The following TMEM132C variants were observed in gnomAD, a reference collection of about 807,000 sequenced individuals.
TMEM132C encodes the protein transmembrane protein 132C.
TMEM132C carries 29 observed loss-of-function variants against 61.4 expected under a neutral mutation model. The ratio of observed to expected loss-of-function variants is 0.47; its 90% CI spans 0.35 to 0.64. TMEM132C has a LOEUF of 0.64. Among genes scored for constraint, TMEM132C ranks in the 30% least tolerant of loss-of-function variants. The pLI is 0.00. For synonymous variants in TMEM132C, 656 were observed against 633.1 expected (o/e 1.04, Z -0.54); for missense variants, 1,408 against 1,476.9 (o/e 0.95, Z 0.76).
At chr12:128,346,691 CTCTTG>C (rs1484349428) in intron 1 of TMEM132C, among the ~76,000 whole-genome samples, 19 of 152,088 alleles carry the variant, frequency 1.2e-4, no homozygotes, top group Non-Finnish European at 4.4e-5. Context: ...CCTGATTTGG[CTCTTG>C]TCTTGACTGT....
intron 3 of TMEM132C, among the ~76,000 whole-genome samples, chr12:128,594,232 A>G (rs1460065810): frequency 1.3e-5 from 2 of 152,066 alleles, no homozygotes; most frequent in Admixed American, 1.3e-4. Context: ...GGGGCGCCAC[A>G]TAAAAGGGGA....
intron 2 of TMEM132C, among the ~76,000 whole-genome samples, chr12:128,517,446 C>T (rs151133431): frequency 6.6e-6 from 1 of 151,956 alleles, no homozygotes; most frequent in Non-Finnish European, 1.5e-5. Context: ...ACAACAACAA[C>T]AACAAACTCA....
At chr12:128,330,378 A>C (rs1443675519) in intron 1 of TMEM132C, among the ~76,000 whole-genome samples, 1 of 152,132 alleles carries the variant, frequency 6.6e-6, no homozygotes, top group East Asian at 1.9e-4. Flanking sequence ...ATGTTATACA[A>C]GCAACATTTT....
chr12:128,280,577 G>T (rs535596973), intron 1 of TMEM132C, among the ~76,000 whole-genome samples: 60 of 152,302 alleles, frequency 3.9e-4, no homozygotes, highest in African/African-American at 1.4e-3. Flanking sequence ...CTACTAATGA[G>T]TATAAGGTAT....
intron 5 of TMEM132C, among the ~76,000 whole-genome samples, chr12:128,671,709 C>T (rs933764536): frequency 1.3e-5 from 2 of 152,178 alleles, no homozygotes; most frequent in Non-Finnish European, 2.9e-5. Context: ...CACACAGCGA[C>T]GTCCACACTC....
intron 3 of TMEM132C, among the ~76,000 whole-genome samples, chr12:128,580,322 G>A (rs908874671): frequency 6.6e-6 from 1 of 152,170 alleles, no homozygotes; most frequent in African/African-American, 2.4e-5. Context: ...TCGGGAAGCT[G>A]AGGCAGGAGA....
At chr12:128,468,445 G>A (rs1565944866) in intron 2 of TMEM132C, among the ~76,000 whole-genome samples, 1 of 152,078 alleles carries the variant, frequency 6.6e-6, no homozygotes, top group Admixed American at 6.6e-5. Context: ...AGCCTCCCAA[G>A]TAGCTGGGAT....
intron 2 of TMEM132C, among the ~76,000 whole-genome samples, chr12:128,453,255 G>A (rs1262766840): frequency 3.9e-5 from 6 of 152,204 alleles, no homozygotes; most frequent in Admixed American, 2.0e-4. Flanking sequence ...GGTTGGCCAG[G>A]CAGGGCTCAA....
At chr12:128,376,850 A>G (rs1052378800) in intron 1 of TMEM132C, among the ~76,000 whole-genome samples, 1 of 152,100 alleles carries the variant, frequency 6.6e-6, no homozygotes, top group Non-Finnish European at 1.5e-5. Flanking sequence ...TGTTCTCCTG[A>G]GCTTTTCATA....
rs182879571 is a variant in TMEM132C at position 128,314,578 on chromosome 12, G to A, written c.85+47091G>A. Among the ~76,000 whole-genome samples the A allele has an allele frequency of 2.3e-3, 344 of 152,234 alleles. 1 individual carries two copies. Among genetic ancestry groups the A allele is most frequent in the Non-Finnish European group, 4.2e-3 (286 of 68,024 alleles). Reference sequence around the variant, plus strand: ...AGTCATTGCAGATATAATTAGTTGAGTTTCAATGAGGACATACTGGATTCA... The same window carrying A: ...AGTCATTGCAGATATAATTAGTTGAATTTCAATGAGGACATACTGGATTCA... On this transcript the variant is annotated intron_variant, in intron 1 of 8. Transcript: ENST00000435159.
chr12:128,418,009 A>G (rs886344024), intron 2 of TMEM132C, among the ~76,000 whole-genome samples: 1 of 152,272 alleles, frequency 6.6e-6, no homozygotes. Context: ...GGAGCGCAGC[A>G]GCCGTATTCC....
intron 2 of TMEM132C, among the ~76,000 whole-genome samples, chr12:128,455,764 A>C (rs1870318042): frequency 6.6e-6 from 1 of 152,190 alleles, no homozygotes; most frequent in South Asian, 2.1e-4. Context: ...AAGGAAACGA[A>C]GACAAAACAG....
intron 2 of TMEM132C, among the ~76,000 whole-genome samples, chr12:128,533,916 A>G (rs1873418632): frequency 6.6e-6 from 1 of 151,330 alleles, no homozygotes; most frequent in South Asian, 2.1e-4. Context: ...ACACATGCAT[A>G]CACACACACA....
chr12:128,295,923 C>T (rs12581407), intron 1 of TMEM132C, among the ~76,000 whole-genome samples: 14,077 of 152,132 alleles, frequency 0.093, 783 homozygotes, highest in East Asian at 0.19. Flanking sequence ...TATTACCTTC[C>T]ATATCTTCAG....
At chr12:128,372,545 T>C (rs771417455) in intron 1 of TMEM132C, among the ~76,000 whole-genome samples, 5 of 152,180 alleles carry the variant, frequency 3.3e-5, no homozygotes, top group Admixed American at 6.5e-5. Context: ...ATTGGGGATG[T>C]CTTTACCACT....
chr12:128,405,803 G>GGT (rs1875323621), intron 1 of TMEM132C, among the ~76,000 whole-genome samples: 1 of 152,156 alleles, frequency 6.6e-6, no homozygotes, highest in Non-Finnish European at 1.5e-5. Flanking sequence ...GATTGAGGGA[G>GGT]GTGTGAAGCT....
At chr12:128,342,242 C>T (rs994133869) in intron 1 of TMEM132C, among the ~76,000 whole-genome samples, 7 of 152,054 alleles carry the variant, frequency 4.6e-5, no homozygotes, top group South Asian at 2.1e-4. Flanking sequence ...CTCCTGACCT[C>T]GTGATCTGCC....
In TMEM132C at chr12:128,449,681, A is replaced by G. The variant is rs558663667; in HGVS notation, c.974+34061A>G. ...CTATGACTCTGTTACAGTGTCACCC[A>G]TCAGAGTACAAACTAATCATGCTGT... On this transcript the variant is annotated intron_variant, in intron 2 of 8. Transcript: ENST00000435159. Among the ~76,000 whole-genome samples the G allele has an allele frequency of 9.2e-5, 14 of 152,338 alleles. No homozygotes were observed. The South Asian group carries it at 2.9e-3, about 32-fold the overall frequency.
At position 128,665,175 on chromosome 12, in the gene TMEM132C, A is replaced by G. The variant is rs759160628; in HGVS notation, c.1306-4242A>G. Among the ~76,000 whole-genome samples the G allele has an allele frequency of 1.2e-4, 18 of 148,276 alleles. 1 individual carries two copies. The highest frequency in any genetic ancestry group is 2.1e-4 in the Non-Finnish European group (14 of 67,646). ...CACACTCACACATACACAAACAGGC[A>G]CACACACACACAGGCACATGCACCC... On this transcript the variant is annotated intron_variant, in intron 4 of 8. Transcript: ENST00000435159.
Sources: allele counts gnomAD v4.1 joint callset (sites outside exome capture counted in the v4.1 genomes callset), GRCh38; gene constraint gnomAD v4.1.1; transcripts MANE v1.5; gene names NCBI Gene and HGNC (gene_info 2026-07-23, HGNC 2026-07-21).